CCDC61: variants seen among roughly 807,000 people sequenced by gnomAD.
CCDC61 encodes centrosomal protein CCDC61.
In CCDC61, 55 loss-of-function variants were observed where a neutral mutation model predicts 63.0. The observed-to-expected ratio is 0.87, with a 90% CI of 0.70 to 1.09. CCDC61 has a LOEUF of 1.09. Ranked by LOEUF, CCDC61 falls within the 50% of genes least tolerant of loss-of-function variation. The probability of loss-of-function intolerance (pLI) is 0.00; values close to 1 mark genes in which losing one functional copy is unlikely to be tolerated. For synonymous variants in CCDC61, 270 were observed against 317.0 expected, an observed-to-expected ratio of 0.85 and a Z score of 1.58; for missense variants, 651 against 731.4, an observed-to-expected ratio of 0.89 and a Z score of 1.27.
chr19:46,018,237 TC>T lies in CCDC61; in HGVS notation c.1442-50del, dbSNP rs1968990202. The stretch of plus-strand genomic sequence containing the variant: ...GCAGTGGTATATTGGGCCCAGGAAC[TC>T]CCTGGGGCTTCAGGCCCCTCACAGC... On this transcript the variant is annotated intron_variant, in intron 13 of 13. Coordinates refer to ENST00000595358, the MANE Select transcript of CCDC61 (RefSeq NM_001267723.2). The surrounding 1 kb of genome is among the most constrained non-coding windows in gnomAD (Gnocchi z 4.2). The T allele has an allele frequency of 1.9e-6, 3 of 1,545,620 alleles. No homozygotes were observed. The East Asian group carries it at 7.3e-5, about 38-fold the overall frequency.
intron 4 of CCDC61, 130 bp downstream of exon 4, chr19:46,006,846 G>A: frequency 1.2e-6 from 1 of 822,448 alleles, no homozygotes; most frequent in Non-Finnish European, 1.9e-6. Context: ...AATCTTCCCT[G>A]TTGGGGTTTG....
At chr19:45,999,375 T>A (rs1968549378) in intron 1 of CCDC61, among the ~76,000 whole-genome samples, 1 of 139,258 alleles carries the variant, frequency 7.2e-6, no homozygotes, top group East Asian at 2.1e-4. Context: ...GGAGGTGAGG[T>A]CAGAATGGGG....
At chr19:45,999,643 A>G (rs1968554872) in intron 1 of CCDC61, among the ~76,000 whole-genome samples, 1 of 152,082 alleles carries the variant, frequency 6.6e-6, no homozygotes, top group Admixed American at 6.5e-5. Context: ...GCCCCGGGGT[A>G]AGAGCTGTGA....
At chr19:46,012,507 C>T (rs1219476399) in intron 5 of CCDC61, among the ~76,000 whole-genome samples, 1 of 152,076 alleles carries the variant, frequency 6.6e-6, no homozygotes, top group Non-Finnish European at 1.5e-5. Context: ...TTTAGCTGGG[C>T]AGGGTGGCGC....
chr19:46,001,377 C>T (rs1968588648), intron 1 of CCDC61, among the ~76,000 whole-genome samples: 1 of 152,038 alleles, frequency 6.6e-6, no homozygotes, highest in South Asian at 2.1e-4. Context: ...CAGGCACCTG[C>T]CACCACGCCC....
At position 46,018,447 on chromosome 19, in the gene CCDC61, G is replaced by A; in HGVS notation, c.*60G>A. 1 of 1,421,476 alleles carries A rather than the reference G, an allele frequency of 7.0e-7. No individual in the cohort carries two copies. The highest frequency in any genetic ancestry group is 9.7e-7 in the Non-Finnish European group (1 of 1,034,668). 88.1% of individuals were successfully genotyped at this position (1,421,476 alleles called of 1,614,324 possible). A position where few individuals can be genotyped will look rare whatever the true frequency, so the allele number is the denominator to read the frequency against. On this transcript the variant is annotated 3_prime_UTR_variant, in exon 14 of 14. Transcript: ENST00000595358. The surrounding 1 kb of genome is among the most constrained non-coding windows in gnomAD (Gnocchi z 4.2). ...CCACTTGCTGGGTATGGTGTGGGGG[G>A]TGGGGCCAGGGTGGCCTCCAGCCCT...
At chr19:46,011,467 A>T (rs1182370703) in intron 5 of CCDC61, among the ~76,000 whole-genome samples, 1 of 152,096 alleles carries the variant, frequency 6.6e-6, no homozygotes, top group Admixed American at 6.6e-5. Flanking sequence ...ATTTTGCTGA[A>T]TTTTTCCCTA....
rs1968910931 is a variant in CCDC61 at position 46,015,431 on chromosome 19, A to G, written c.845+4A>G. On this transcript the variant is annotated splice_donor_region_variant and intron_variant, in intron 7 of 13. Coordinates refer to ENST00000595358, the MANE Select transcript of CCDC61 (RefSeq NM_001267723.2). This position sits in a 1 kb window ranked among gnomAD's most constrained non-coding sequence, Gnocchi z 5.3. ...AGCTGGCATTGTACAAGAGGGGGTG[A>G]GAGCGAGGCCTGCCAGGCGCCTGGG... 4.4e-6 allele frequency: 7 copies of G among 1,580,938 alleles called. No individual in the cohort carries two copies. Among genetic ancestry groups the G allele is most frequent in the Non-Finnish European group, 6.0e-6 (7 of 1,166,484 alleles).
At position 46,015,151 on chromosome 19, in the gene CCDC61, G is replaced by A. The variant is rs1968901384; in HGVS notation, c.654G>A (p.Ala218=). 1.6e-6 allele frequency: 2 copies of A among 1,264,760 alleles called. No homozygotes were observed. Among genetic ancestry groups the A allele is most frequent in the Admixed American group, 4.3e-5 (1 of 23,366 alleles). 78.3% of individuals were successfully genotyped at this position (1,264,760 alleles called of 1,614,324 possible). ...GCGCGGCACGCCAGGAGGCCGAGGC[G>A]CTGCGCGGGCTGGTGCGCGGGCTGG... The part of the protein sequence containing the change: ...AGRAARQEAE[A]LRGLVRGLEL... Residue 218 remains alanine, a synonymous_variant, in exon 6 of 14, where the codon GCG becomes GCA. Transcript: ENST00000595358. This position sits in a 1 kb window ranked among gnomAD's most constrained non-coding sequence, Gnocchi z 5.3.
At chr19:46,014,983 C>T in intron 5 of CCDC61, 66 bp from the exon 6 acceptor site, 2 of 1,357,884 alleles carry the variant, frequency 1.5e-6, no homozygotes, top group South Asian at 1.3e-5. Context: ...AGGCGTCCCA[C>T]CCCCATGGAG....
At chr19:46,009,322 T>C (rs1375528783) in intron 5 of CCDC61, among the ~76,000 whole-genome samples, 1 of 152,144 alleles carries the variant, frequency 6.6e-6, no homozygotes, top group Non-Finnish European at 1.5e-5. Context: ...GCTTGATCGC[T>C]ACCGGGAAGA....
intron 4 of CCDC61, among the ~76,000 whole-genome samples, chr19:46,007,801 C>T (rs780343649): frequency 2.0e-5 from 3 of 152,180 alleles, no homozygotes; most frequent in Non-Finnish European, 4.4e-5. Flanking sequence ...CAGAATGCCC[C>T]GCTGTGGCAT....
chr19:45,998,469 C>T (rs1466886429), intron 1 of CCDC61, among the ~76,000 whole-genome samples: 1 of 152,116 alleles, frequency 6.6e-6, no homozygotes, highest in Non-Finnish European at 1.5e-5. Context: ...AGCTCCTGAC[C>T]CAGCCTGGGA....
At chr19:45,996,847 T>A (rs1600636586) in intron 1 of CCDC61, among the ~76,000 whole-genome samples, 1 of 152,172 alleles carries the variant, frequency 6.6e-6, no homozygotes, top group African/African-American at 2.4e-5. Flanking sequence ...TGTCTCCTGC[T>A]CTTACCTGGT....
Position 46,016,069 on chromosome 19 carries a change from G to A in CCDC61, c.861G>A (p.Pro287=). 1 of 1,234,978 alleles carries A rather than the reference G, an allele frequency of 8.1e-7. No individual in the cohort carries two copies. The highest frequency in any genetic ancestry group is 1.0e-6 in the Non-Finnish European group (1 of 990,630). 76.5% of individuals were successfully genotyped at this position (1,234,978 alleles called of 1,614,324 possible). A position where few individuals can be genotyped will look rare whatever the true frequency, so the allele number is the denominator to read the frequency against. The change falls in exon 8 of 14, where the codon CCG becomes CCA. Residue 287 remains proline, a synonymous_variant. Transcript: ENST00000595358. This position sits in a 1 kb window ranked among gnomAD's most constrained non-coding sequence, Gnocchi z 7.2. ...ALYKRGRRTP[P]VQPPPTREDR... is the part of the protein sequence containing the mutation. ...GTGGTCTCAGGAGGCGGACTCCGCC[G>A]GTGCAGCCGCCCCCGACGCGGGAGG...
At chr19:46,002,252 C>T (rs1417529995) in intron 1 of CCDC61, among the ~76,000 whole-genome samples, 5 of 151,284 alleles carry the variant, frequency 3.3e-5, no homozygotes, top group African/African-American at 1.2e-4. Flanking sequence ...CCTGCTCTGA[C>T]CCCCTTTTAA....
At position 46,004,943 on chromosome 19, in the gene CCDC61, A is replaced by T. The variant is rs184149550; in HGVS notation, c.231+1442A>T. ...AACCTCCGCGTCTCGGGTTCAAGTG[A>T]TTCTCATGCCTCAGCCTCCCAAGTA... On this transcript the variant is annotated intron_variant, in intron 3 of 13. Transcript: ENST00000595358. 6.0e-3 allele frequency among the ~76,000 whole-genome samples: 846 copies of T among 140,720 alleles called. 3 individuals carry two copies. The highest frequency in any genetic ancestry group is 8.4e-3 in the Non-Finnish European group (562 of 66,800). The allele number at this position is 140,720 out of a possible 152,430, so 92.3% of individuals were successfully genotyped here. A position where few individuals can be genotyped will look rare whatever the true frequency, so the allele number is the denominator to read the frequency against.
intron 1 of CCDC61, among the ~76,000 whole-genome samples, chr19:46,002,234 G>C (rs1044735518): frequency 6.6e-6 from 1 of 151,732 alleles, no homozygotes; most frequent in African/African-American, 2.4e-5. Flanking sequence ...ATGAGCCACC[G>C]CACCTGGCCT....
rs376285393 is a variant in CCDC61 at position 46,016,341 on chromosome 19, C to T, written c.1039C>T (p.Pro347Ser). Residue 347 changes from proline to serine, a missense_variant, in exon 9 of 14, where the codon CCC becomes TCC. Coordinates refer to ENST00000595358, the MANE Select transcript of CCDC61 (RefSeq NM_001267723.2). The surrounding 1 kb of genome is among the most constrained non-coding windows in gnomAD (Gnocchi z 7.2). ...AGGTGGTCGCGCGCTCCGCTTCGAC[C>T]CCACGGCCTTTGTGAAAGCCAAGGA... is the stretch of plus-strand genomic sequence containing the variant. ...PTGGRALRFD[P>S]TAFVKAKERK... 6.8e-6 allele frequency: 11 copies of T among 1,613,990 alleles called. No homozygotes were observed. In the African/African-American group the frequency reaches 9.3e-5, roughly 14 times the overall value.
Sources: gnomAD v4.1 joint callset for allele counts (sites outside exome capture counted in the v4.1 genomes callset) on GRCh38, gnomAD v4.1.1 for gene constraint, Gnocchi (gnomAD v3.1) non-coding constraint, MANE v1.5 for transcripts, NCBI Gene and HGNC (gene_info 2026-07-23, HGNC 2026-07-21) for gene names.